MVB12B: variants seen among roughly 807,000 people sequenced by gnomAD.
The protein encoded by MVB12B is ESCRT-I complex subunit MVB12B.
MVB12B carries 16 observed loss-of-function variants against 41.6 expected under a neutral mutation model. The observed-to-expected ratio is 0.38, with a 90% CI of 0.26 to 0.58. The LOEUF is 0.58. MVB12B is among the 20% of genes least tolerant of loss of function. The pLI is 0.62. For synonymous variants in MVB12B, 133 were observed against 139.7 expected (o/e 0.95, Z 0.34); for missense variants, 274 against 380.2 (o/e 0.72, Z 2.32).
chr9:126,463,371 G>C (rs1238813817), intron 7 of MVB12B, among the ~76,000 whole-genome samples: 6 of 152,184 alleles, frequency 3.9e-5, no homozygotes, highest in African/African-American at 1.4e-4. Flanking sequence ...TTTGAACTGA[G>C]AAGTCCGGTA....
chr9:126,423,778 C>T (rs1035889189), intron 7 of MVB12B, among the ~76,000 whole-genome samples: 1 of 152,194 alleles, frequency 6.6e-6, no homozygotes, highest in Non-Finnish European at 1.5e-5. Context: ...AGCCTGCCTG[C>T]GAGTCATTCT....
At chr9:126,419,333 G>A (rs1390634791) in intron 6 of MVB12B, among the ~76,000 whole-genome samples, 1 of 152,162 alleles carries the variant, frequency 6.6e-6, no homozygotes, top group Non-Finnish European at 1.5e-5. Context: ...GATCCTTTTA[G>A]TCACACACAC....
At chr9:126,498,956 T>G (rs867713613) in intron 9 of MVB12B, among the ~76,000 whole-genome samples, 6 of 152,154 alleles carry the variant, frequency 3.9e-5, no homozygotes, top group South Asian at 2.1e-4. Flanking sequence ...CAACCACAGG[T>G]GGGGGCCATG....
chr9:126,344,146 T>C (rs979245671), intron 2 of MVB12B, among the ~76,000 whole-genome samples: 1 of 152,050 alleles, frequency 6.6e-6, no homozygotes, highest in East Asian at 1.9e-4. Flanking sequence ...ACCCCATTTT[T>C]TGAGTACCTA....
intron 7 of MVB12B, among the ~76,000 whole-genome samples, chr9:126,435,206 C>T (rs1188108166): frequency 1.3e-5 from 2 of 152,114 alleles, no homozygotes; most frequent in East Asian, 1.9e-4. Flanking sequence ...CTATAACTGC[C>T]GTAAATATTG....
At chr9:126,406,922 A>G (rs1016671345) in intron 6 of MVB12B, among the ~76,000 whole-genome samples, 1 of 152,200 alleles carries the variant, frequency 6.6e-6, no homozygotes, top group African/African-American at 2.4e-5. Context: ...CCCATGCTTT[A>G]AAGGAGTATA....
Position 126,376,350 on chromosome 9 carries a change from A to G in MVB12B, c.205-4714A>G, listed in dbSNP as rs1830479615. 7 of 432,784 alleles carry G rather than the reference A, an allele frequency of 1.6e-5. No individual in the cohort carries two copies. Among genetic ancestry groups the G allele is most frequent in the Non-Finnish European group, 3.1e-5 (7 of 229,444 alleles). The allele number at this position is 432,784 out of a possible 1,614,324, so 26.8% of individuals were successfully genotyped here. A position where few individuals can be genotyped will look rare whatever the true frequency, so the allele number is the denominator to read the frequency against. ...ACTGTTTCCCCCTATTCTCTTTGCT[A>G]CCTTCAAGCTCCCTTTTTTCTATTT... On this transcript the variant is annotated intron_variant, in intron 2 of 9. Coordinates refer to ENST00000361171, the MANE Select transcript of MVB12B (RefSeq NM_033446.3). The surrounding 1 kb of genome is among the most constrained non-coding windows in gnomAD (Gnocchi z 4.1).
At chr9:126,361,453 TAA>T (rs1036104458) in intron 2 of MVB12B, among the ~76,000 whole-genome samples, 1 of 152,220 alleles carries the variant, frequency 6.6e-6, no homozygotes, top group African/African-American at 2.4e-5. Flanking sequence ...TATTATCTTA[TAA>T]AAGACTTAAA....
At chr9:126,426,122 A>G (rs73597412) in intron 7 of MVB12B, among the ~76,000 whole-genome samples, 3,031 of 152,294 alleles carry the variant, frequency 0.02, 77 homozygotes, top group African/African-American at 0.061. Context: ...TCACGTTCCA[A>G]TGGCAGAGTT....
rs201548971 is a variant in MVB12B at position 126,396,782 on chromosome 9, T to C, written c.662+1085T>C. ...AAACTTAACTACCCCTGGAATTGCC[T>C]GAAACTTTAGAAGTAGTTTTCAGTT... On this transcript the variant is annotated intron_variant, in intron 6 of 9. Transcript: ENST00000361171. The C allele has an allele frequency of 2.2e-5, 22 of 985,484 alleles. No homozygotes were observed. In the East Asian group the frequency reaches 2.0e-3, roughly 91 times the overall value. 61.0% of individuals were successfully genotyped at this position (985,484 alleles called of 1,614,324 possible). A position where few individuals can be genotyped will look rare whatever the true frequency, so the allele number is the denominator to read the frequency against.
intron 3 of MVB12B, among the ~76,000 whole-genome samples, chr9:126,383,940 GT>G (rs898989242): frequency 9.2e-5 from 14 of 151,596 alleles, no homozygotes; most frequent in Non-Finnish European, 1.8e-4. Context: ...AGGTCACTAA[GT>G]GGTTTGCAGT....
Position 126,376,563 on chromosome 9 carries a change from C to T in MVB12B, c.205-4501C>T, listed in dbSNP as rs571567071. On this transcript the variant is annotated intron_variant, in intron 2 of 9. Transcript: ENST00000361171. The surrounding 1 kb of genome is among the most constrained non-coding windows in gnomAD (Gnocchi z 4.1). ...CAGATCGTGGGCTGGTCCACCCTGGCGCTTTCCAGAGACAAAGCCCTCAGT... is the reference window on the plus strand; with the variant it reads ...CAGATCGTGGGCTGGTCCACCCTGGTGCTTTCCAGAGACAAAGCCCTCAGT... 20 of 1,289,344 alleles carry T rather than the reference C, an allele frequency of 1.6e-5. No individual in the cohort carries two copies. Among genetic ancestry groups the T allele is most frequent in the Admixed American group, 1.1e-4 (5 of 43,564 alleles). 79.9% of individuals were successfully genotyped at this position (1,289,344 alleles called of 1,614,324 possible).
At chr9:126,335,238 T>C (rs928236497) in intron 1 of MVB12B, 2 of 1,186,772 alleles carry the variant, frequency 1.7e-6, no homozygotes, top group African/African-American at 3.2e-5. Flanking sequence ...CTCTGGCTGG[T>C]CACCAGGTAA....
chr9:126,446,259 G>A (rs1336255098), intron 7 of MVB12B, among the ~76,000 whole-genome samples: 2 of 151,656 alleles, frequency 1.3e-5, no homozygotes, highest in African/African-American at 4.8e-5. Context: ...AGATTATTTT[G>A]TTTTGATGAT....
intron 1 of MVB12B, chr9:126,335,465 T>G: frequency 3.3e-6 from 4 of 1,201,310 alleles, no homozygotes; most frequent in Non-Finnish European, 4.5e-6. Context: ...TGGTGTGCAT[T>G]GGTGAGGCCT....
intron 7 of MVB12B, among the ~76,000 whole-genome samples, chr9:126,476,100 C>A (rs867010956): frequency 2.0e-5 from 3 of 151,852 alleles, no homozygotes; most frequent in African/African-American, 7.2e-5. Context: ...GTCCTGAGGG[C>A]CCCCCTTGCT....
chr9:126,438,425 G>A (rs1832546616), intron 7 of MVB12B, among the ~76,000 whole-genome samples: 1 of 152,064 alleles, frequency 6.6e-6, no homozygotes, highest in African/African-American at 2.4e-5. Context: ...GTCTAAAGGT[G>A]TCAATGATAA....
rs749107796 is a variant in MVB12B at position 126,459,485 on chromosome 9, CTG to C, written c.758-21881_758-21880del. ...GTTGCTTCAGAAAGGCTTCACAGAA[CTG>C]TGCCTGTGAGACCACGAGACCCTCA... On this transcript the variant is annotated intron_variant, in intron 7 of 9. Coordinates refer to ENST00000361171, the MANE Select transcript of MVB12B (RefSeq NM_033446.3). This position sits in a 1 kb window ranked among gnomAD's most constrained non-coding sequence, Gnocchi z 4.3. Among the ~76,000 whole-genome samples the C allele has an allele frequency of 2.0e-5, 3 of 152,204 alleles. No individual in the cohort carries two copies. Among genetic ancestry groups the C allele is most frequent in the African/African-American group, 7.2e-5 (3 of 41,436 alleles).
At chr9:126,349,562 C>T (rs1254543637) in intron 2 of MVB12B, among the ~76,000 whole-genome samples, 2 of 152,134 alleles carry the variant, frequency 1.3e-5, no homozygotes, top group Non-Finnish European at 2.9e-5. Context: ...TTCTATAATT[C>T]TGGCATTTGA....
Sources: gnomAD v4.1 joint callset for allele counts (sites outside exome capture counted in the v4.1 genomes callset) on GRCh38, gnomAD v4.1.1 for gene constraint, Gnocchi (gnomAD v3.1) non-coding constraint, MANE v1.5 for transcripts, NCBI Gene and HGNC (gene_info 2026-07-23, HGNC 2026-07-21) for gene names.